The following JUP variants were observed in gnomAD, a reference collection of about 807,000 sequenced individuals.
JUP encodes the protein junction plakoglobin.
JUP carries 28 observed loss-of-function variants against 71.1 expected under a neutral mutation model. That is an observed-to-expected ratio of 0.39 (90% CI 0.29 to 0.54). The LOEUF (loss-of-function observed/expected upper bound fraction) is 0.54, where lower values mean the gene tolerates loss of function less well. Among genes scored for constraint, JUP ranks in the 20% least tolerant of loss-of-function variants. The probability of loss-of-function intolerance (pLI) is 0.62; values close to 1 mark genes in which losing one functional copy is unlikely to be tolerated. For synonymous variants in JUP, 401 were observed against 438.9 expected (o/e 0.91, Z 1.08); for missense variants, 869 against 1,030.1 (o/e 0.84, Z 2.14).
Position 41,764,535 on chromosome 17 carries a change from A to G in JUP, c.1158+178T>C, listed in dbSNP as rs12150619. On this transcript the variant is annotated intron_variant, in intron 7 of 13. Coordinates refer to ENST00000393931, the MANE Select transcript of JUP (RefSeq NM_002230.4). ...AGGTGACAGAGTGAGACTCCGTCAG[A>G]AAAAAAAAAAAAAAAAAAAAAAGAG... Among the ~76,000 whole-genome samples the G allele has an allele frequency of 0.098, 1,335 of 13,660 alleles. 85 individuals carry two copies. Among genetic ancestry groups the G allele is most frequent in the Non-Finnish European group, 0.12 (726 of 5,838 alleles). 9.0% of individuals were successfully genotyped at this position (13,660 alleles called of 152,430 possible).
In JUP at chr17:41,763,334, G is replaced by A. The variant is rs201627219; in HGVS notation, c.1159-13C>T. ...TCTCCAGGCCCTCCTGGAGGGCAAG[G>A]AAGGGACGGGGGAGTCAGGGAGCAG... On this transcript the variant is annotated splice_polypyrimidine_tract_variant and intron_variant, in intron 7 of 13. Coordinates refer to ENST00000393931, the MANE Select transcript of JUP (RefSeq NM_002230.4). 34 of 1,606,170 alleles carry A rather than the reference G, an allele frequency of 2.1e-5. No homozygotes were observed. In the Middle Eastern group the frequency reaches 1.0e-3, roughly 49 times the overall value.
chr17:41,756,178 C>T lies in JUP; in HGVS notation c.2083G>A (p.Asp695Asn), dbSNP rs1424685853. The change falls in exon 13 of 14, where the codon GAT becomes AAT. Residue 695 changes from aspartate (D) to asparagine (N), a missense_variant. By Grantham distance (23) the Asp-to-Asn change is conservative. Transcript: ENST00000393931. ...SMIPINEPYG[D>N]DMDATYRPMY... The stretch of plus-strand genomic sequence containing the variant: ...GAAGAGCCCGGCACACACTTACCAT[C>T]TCCATAGGGCTCATTGATGGGAATC... The T allele has an allele frequency of 3.7e-6, 6 of 1,613,748 alleles. No homozygotes were observed. The highest frequency in any genetic ancestry group is 1.3e-5 in the African/African-American group (1 of 74,938).
chr17:41,764,412 G>A (rs1915350606), intron 7 of JUP, among the ~76,000 whole-genome samples: 1 of 151,868 alleles, frequency 6.6e-6, no homozygotes, highest in Non-Finnish European at 1.5e-5. Context: ...GCAGGTGCCT[G>A]TAGTCCCAAC....
Position 41,755,559 on chromosome 17 carries a change from C to A in JUP, c.*185G>T. ...GGCCAGCAGGAATAGGCCTCCCCAT[C>A]CCCACCAAAGACACAAGAAGAAGGC... On this transcript the variant is annotated 3_prime_UTR_variant, in exon 14 of 14. Coordinates refer to ENST00000393931, the MANE Select transcript of JUP (RefSeq NM_002230.4). The A allele has an allele frequency of 3.7e-6, 2 of 539,214 alleles. No homozygotes were observed. The highest frequency in any genetic ancestry group is 3.1e-5 in the East Asian group (1 of 31,950). 33.4% of individuals were successfully genotyped at this position (539,214 alleles called of 1,614,324 possible).
At chr17:41,772,843 G>A (rs1377478906) in intron 1 of JUP, 16 of 985,320 alleles carry the variant, frequency 1.6e-5, no homozygotes, top group East Asian at 1.1e-4. Flanking sequence ...TAGCAGGGCC[G>A]AACTTTGTAC....
intron 2 of JUP, among the ~76,000 whole-genome samples, chr17:41,771,121 C>T (rs1362889227): frequency 6.6e-6 from 1 of 152,184 alleles, no homozygotes; most frequent in Non-Finnish European, 1.5e-5. Context: ...CCTCTGCCTC[C>T]TGGGTTCAAG....
chr17:41,770,188 C>T (rs956183039), intron 2 of JUP, among the ~76,000 whole-genome samples: 6 of 152,110 alleles, frequency 3.9e-5, no homozygotes, highest in Non-Finnish European at 7.4e-5. Context: ...GCAATCCTCC[C>T]ACTATACAGG....
intron 13 of JUP, 65 bp from the exon 14 acceptor site, chr17:41,755,960 C>T: frequency 6.4e-7 from 1 of 1,556,260 alleles, no homozygotes; most frequent in Non-Finnish European, 8.7e-7. Context: ...GCAGTCTGCA[C>T]AGCCTTCAGC....
intron 1 of JUP, among the ~76,000 whole-genome samples, chr17:41,783,521 T>C (rs2047281499): frequency 1.3e-5 from 2 of 151,808 alleles, no homozygotes; most frequent in Admixed American, 6.6e-5. Flanking sequence ...ACTCCTGGGC[T>C]CAATCAAGCA....
intron 1 of JUP, among the ~76,000 whole-genome samples, chr17:41,773,441 G>A (rs1440650731): frequency 6.6e-6 from 1 of 152,190 alleles, no homozygotes; most frequent in African/African-American, 2.4e-5. Context: ...CTCTCCTCCC[G>A]CAATCCCTAG....
chr17:41,784,245 A>C lies in JUP; in HGVS notation c.-9+2343T>G, dbSNP rs1344961996. On this transcript the variant is annotated intron_variant, in intron 1 of 13. Coordinates refer to ENST00000393931, the MANE Select transcript of JUP (RefSeq NM_002230.4). ...TCGTTCCTATGCACTGCATTCTCAA[A>C]GCCTCGGCCCTGGCAGCCCAAACAG... Among the ~76,000 whole-genome samples, 5 of 150,252 alleles carry C rather than the reference A, an allele frequency of 3.3e-5. No homozygotes were observed. The East Asian group carries it at 8.0e-4, about 24-fold the overall frequency.
rs1914274720 is a variant in JUP, at chr17:41,758,642, A to G, written c.1653+73T>C. ...GGCATCAGTTGCAACTGACCTCCCCATTCACACACACACCCACAGAGGACA... is the reference window on the plus strand; with the variant it reads ...GGCATCAGTTGCAACTGACCTCCCCGTTCACACACACACCCACAGAGGACA... On this transcript the variant is annotated intron_variant, in intron 9 of 13. Coordinates refer to ENST00000393931, the MANE Select transcript of JUP (RefSeq NM_002230.4). The G allele has an allele frequency of 1.9e-6, 3 of 1,583,570 alleles. No individual in the cohort carries two copies. The African/African-American group carries it at 4.0e-5, about 21-fold the overall frequency.
chr17:41,783,096 C>CAA (rs527709887), intron 1 of JUP, among the ~76,000 whole-genome samples: 14,485 of 113,048 alleles, frequency 0.13, 1,068 homozygotes, highest in African/African-American at 0.25. Context: ...GACTCCATCT[C>CAA]AAAAAAAAAA....
chr17:41,779,208 C>T (rs1201283695), intron 1 of JUP, among the ~76,000 whole-genome samples: 1 of 150,428 alleles, frequency 6.6e-6, no homozygotes, highest in African/African-American at 2.4e-5. Flanking sequence ...TGTACTCCAG[C>T]CTGGGCAACA....
At chr17:41,765,745 C>A (rs1915618459) in intron 5 of JUP, among the ~76,000 whole-genome samples, 3 of 152,242 alleles carry the variant, frequency 2.0e-5, no homozygotes, top group Admixed American at 2.0e-4. Flanking sequence ...ACTATATGCA[C>A]ACCCATTACC....
chr17:41,766,919 C>G (rs574428052), intron 5 of JUP, among the ~76,000 whole-genome samples: 1 of 151,538 alleles, frequency 6.6e-6, no homozygotes, highest in South Asian at 2.1e-4. Context: ...TGGTAGCACA[C>G]GCCTGAAGTC....
intron 10 of JUP, chr17:41,758,025 G>T: frequency 1.8e-6 from 1 of 565,636 alleles, no homozygotes. Context: ...TGAGCTCACT[G>T]ATGTGAAAGA....
At chr17:41,775,796 T>TG (rs1223196958) in intron 1 of JUP, 1 of 170,874 alleles carries the variant, frequency 5.9e-6, no homozygotes, top group Non-Finnish European at 1.2e-5. Flanking sequence ...CCCTTCCCCA[T>TG]GGGACCCACA....
intron 1 of JUP, chr17:41,775,971 C>T: frequency 2.0e-6 from 2 of 985,394 alleles, no homozygotes; most frequent in Non-Finnish European, 2.4e-6. Context: ...AATAGCCCCA[C>T]CAGAGCTACA....
Sources: allele counts gnomAD v4.1 joint callset (sites outside exome capture counted in the v4.1 genomes callset), GRCh38; gene constraint gnomAD v4.1.1; transcripts MANE v1.5; gene names NCBI Gene and HGNC (gene_info 2026-07-23, HGNC 2026-07-21).